Variants in PCNX4 observed in about 807,000 individuals in gnomAD.
The protein encoded by PCNX4 is pecanex-like protein 4.
PCNX4 carries 103 observed loss-of-function variants against 107.2 expected under a neutral mutation model. The observed-to-expected ratio is 0.96, with a 90% confidence interval of 0.82 to 1.13. The LOEUF is 1.13. Ranked by LOEUF, PCNX4 falls within the 50% of genes most tolerant of loss-of-function variation. PCNX4 has a pLI of 0.00. For missense variants in PCNX4, 1,528 were observed against 1,379.4 expected, an observed-to-expected ratio of 1.11 and a Z score of -1.71; for synonymous variants, 541 against 481.7, an observed-to-expected ratio of 1.12 and a Z score of -1.61.
At chr14:60,130,461 CACAGTG>C (rs1896134586) in intron 10 of PCNX4, among the ~76,000 whole-genome samples, 2 of 151,962 alleles carry the variant, frequency 1.3e-5, no homozygotes, top group African/African-American at 4.8e-5. Flanking sequence ...ATGAAAAACT[CACAGTG>C]AACATCATCA....
chr14:60,123,904 A>G (rs1201436550), intron 8 of PCNX4, among the ~76,000 whole-genome samples: 3 of 152,034 alleles, frequency 2.0e-5, no homozygotes, highest in East Asian at 3.9e-4. Context: ...AAAAGTTTTT[A>G]TTGTGTGGCT....
At chr14:60,107,243 T>C (rs1890262318) in intron 1 of PCNX4, among the ~76,000 whole-genome samples, 2 of 152,032 alleles carry the variant, frequency 1.3e-5, no homozygotes, top group Admixed American at 6.6e-5. Context: ...TAGCCAGGCA[T>C]AGGGGCATGT....
In PCNX4 at chr14:60,118,661, A is replaced by C; in HGVS notation, c.1911A>C (p.Val637=). The part of the protein sequence containing the change: ...YYQMVPRLTA[V]LQTAMAAGSL... ...AAATGGTGCCCAGGTTGACTGCTGT[A>C]CTGCAGACTGCAATGGCAGCTGGAA... The change falls in exon 7 of 11, where the codon GTA becomes GTC. Residue 637 remains valine (V), a synonymous_variant. Coordinates refer to ENST00000406854, the MANE Select transcript of PCNX4 (RefSeq NM_001330177.2). The C allele has an allele frequency of 6.3e-7, 1 of 1,595,482 alleles. No homozygotes were observed. Among genetic ancestry groups the C allele is most frequent in the Non-Finnish European group, 8.6e-7 (1 of 1,167,352 alleles).
chr14:60,101,005 G>C (rs945247375), intron 1 of PCNX4, among the ~76,000 whole-genome samples: 1 of 152,260 alleles, frequency 6.6e-6, no homozygotes, highest in South Asian at 2.1e-4. Context: ...CCTGCTCTCT[G>C]AAGTCTGCTC....
chr14:60,092,003 C>G lies in PCNX4; in HGVS notation c.-470C>G, dbSNP rs931064293. ...GCTTCTGCTAGGCCCAGTGCGAGAC[C>G]AGAGCACGAGCGACTCCCGTCGTCC... On this transcript the variant is annotated 5_prime_UTR_variant, in exon 1 of 11. Coordinates refer to ENST00000406854, the MANE Select transcript of PCNX4 (RefSeq NM_001330177.2). The G allele has an allele frequency of 1.3e-5, 2 of 152,568 alleles. No homozygotes were observed. The highest frequency in any genetic ancestry group is 1.9e-4 in the East Asian group (1 of 5,188). 9.5% of individuals were successfully genotyped at this position (152,568 alleles called of 1,614,324 possible).
intron 1 of PCNX4, among the ~76,000 whole-genome samples, chr14:60,098,124 C>T (rs1278395329): frequency 2.6e-5 from 4 of 152,178 alleles, no homozygotes; most frequent in Admixed American, 2.0e-4. Flanking sequence ...TGACCAGAAA[C>T]ATTCGAAACC....
In PCNX4 at chr14:60,124,471, T is replaced by C; in HGVS notation, c.2300T>C (p.Ile767Thr). The C allele has an allele frequency of 6.2e-7, 1 of 1,613,790 alleles. No homozygotes were observed. Among genetic ancestry groups the C allele is most frequent in the Non-Finnish European group, 8.5e-7 (1 of 1,179,764 alleles). Residue 767 changes from isoleucine to threonine, a missense_variant, in exon 9 of 11, where the codon ATA becomes ACA. Coordinates refer to ENST00000406854, the MANE Select transcript of PCNX4 (RefSeq NM_001330177.2). ...GACCTCATTAAAGTACTTGTGTGGATACTTGTTCAATACTGCTCCAAAAGG... is the reference window on the plus strand; with the variant it reads ...GACCTCATTAAAGTACTTGTGTGGACACTTGTTCAATACTGCTCCAAAAGG... ...KGDLIKVLVW[I>T]LVQYCSKRPG...
rs1397611464 is a variant in PCNX4, at chr14:60,142,968, AG to A, written c.*8748del. ...GACACAGTAAGACTCCATCTCCAAAAGAAAGAAAGAAAGAAAGAAAAAAATG... is the reference window on the plus strand; with the variant it reads ...GACACAGTAAGACTCCATCTCCAAAAAAAGAAAGAAAGAAAGAAAAAAATG... On this transcript the variant is annotated 3_prime_UTR_variant, in exon 11 of 11. Transcript: ENST00000406854. The surrounding 1 kb of genome is among the most constrained non-coding windows in gnomAD (Gnocchi z 4.7). 3.8e-4 allele frequency: 58 copies of A among 150,856 alleles called. No individual in the cohort carries two copies. The highest frequency in any genetic ancestry group is 1.3e-3 in the African/African-American group (53 of 41,474). 9.3% of individuals were successfully genotyped at this position (150,856 alleles called of 1,614,324 possible). A position where few individuals can be genotyped will look rare whatever the true frequency, so the allele number is the denominator to read the frequency against.
At chr14:60,114,492 A>G (rs1244742803) in intron 2 of PCNX4, among the ~76,000 whole-genome samples, 2 of 152,142 alleles carry the variant, frequency 1.3e-5, no homozygotes, top group Non-Finnish European at 2.9e-5. Flanking sequence ...ACACAATTGT[A>G]TAGGGGTAGT....
intron 1 of PCNX4, among the ~76,000 whole-genome samples, chr14:60,096,046 A>G (rs974857748): frequency 1.3e-5 from 2 of 152,186 alleles, no homozygotes; most frequent in Non-Finnish European, 2.9e-5. Flanking sequence ...AACACAAACT[A>G]TTATTCCTAA....
chr14:60,124,335 G>A lies in PCNX4; in HGVS notation c.2164G>A (p.Gly722Arg), dbSNP rs774697081. 6.2e-7 allele frequency: 1 copy of A among 1,612,780 alleles called. No homozygotes were observed. The highest frequency in any genetic ancestry group is 8.5e-7 in the Non-Finnish European group (1 of 1,179,256). ...AGTATGTTCCCTTAATGAACACTTT[G>A]GAAATGTCTTGACACCCTGTACTGT... ...TRVCSLNEHFGNVLTPCTVLP... is the reference protein window; with the variant it reads ...TRVCSLNEHFRNVLTPCTVLP... Residue 722 changes from glycine to arginine, a missense_variant, in exon 9 of 11, where the codon GGA becomes AGA. Transcript: ENST00000406854.
chr14:60,147,438 A>T lies in PCNX4; in HGVS notation c.*13217A>T, dbSNP rs566543269. ...TGGGTGACATGTATTAATTAGCTTG[A>T]TTGTGGTAATCATTTTACAGTGTAT... On this transcript the variant is annotated 3_prime_UTR_variant, in exon 11 of 11. Transcript: ENST00000406854. 6.6e-6 allele frequency: 1 copy of T among 152,312 alleles called. No individual in the cohort carries two copies. The highest frequency in any genetic ancestry group is 1.9e-4 in the East Asian group (1 of 5,180). The allele number at this position is 152,312 out of a possible 1,614,324, so 9.4% of individuals were successfully genotyped here. A position where few individuals can be genotyped will look rare whatever the true frequency, so the allele number is the denominator to read the frequency against.
intron 6 of PCNX4, 138 bp downstream of exon 6, chr14:60,116,198 C>G: frequency 1.2e-6 from 1 of 840,024 alleles, no homozygotes; most frequent in Non-Finnish European, 1.7e-6. Flanking sequence ...AAAAAGAAAC[C>G]TCAACTGTTA....
chr14:60,114,161 G>A (rs973347292), intron 2 of PCNX4, among the ~76,000 whole-genome samples: 1 of 152,120 alleles, frequency 6.6e-6, no homozygotes, highest in East Asian at 1.9e-4. Context: ...TCCTGGGAGC[G>A]GGACAGTACA....
In PCNX4 at chr14:60,134,131, A is replaced by G. The variant is rs150123138; in HGVS notation, c.3429A>G (p.Leu1143=). The change falls in exon 11 of 11, where the codon CTA becomes CTG. Residue 1143 remains leucine, a synonymous_variant. Coordinates refer to ENST00000406854, the MANE Select transcript of PCNX4 (RefSeq NM_001330177.2). ...GTTATAGTATACAAGCTCATCCACTACTTTTAAGAAATCTTACGGTACAAG... is the reference window on the plus strand; with the variant it reads ...GTTATAGTATACAAGCTCATCCACTGCTTTTAAGAAATCTTACGGTACAAG... ...EERYSIQAHP[L]LLRNLTVQAA... 14 of 1,613,880 alleles carry G rather than the reference A, an allele frequency of 8.7e-6. No homozygotes were observed. The African/African-American group carries it at 1.9e-4, about 22-fold the overall frequency.
At position 60,115,006 on chromosome 14, in the gene PCNX4, C is replaced by G; in HGVS notation, c.902C>G (p.Thr301Arg). The change falls in exon 4 of 11, where the codon ACA becomes AGA. Residue 301 changes from threonine (T) to arginine (R), a missense_variant. Physicochemically the swap from Thr to Arg is moderately conservative, Grantham distance 71. Transcript: ENST00000406854. ...LLVMFIMSAGTAIASYFIPST... is the reference protein window; with the variant it reads ...LLVMFIMSAGRAIASYFIPST... Reference sequence around the variant, plus strand: ...GTAATGTTCATCATGTCTGCTGGAACAGCTATAGCATCATATTTCATTCCA... The same window carrying G: ...GTAATGTTCATCATGTCTGCTGGAAGAGCTATAGCATCATATTTCATTCCA... The G allele has an allele frequency of 6.2e-7, 1 of 1,606,394 alleles. No homozygotes were observed. Among genetic ancestry groups the G allele is most frequent in the Non-Finnish European group, 8.5e-7 (1 of 1,174,970 alleles).
chr14:60,136,438 T>C lies in PCNX4; in HGVS notation c.*2217T>C, dbSNP rs943811549. 1 of 152,172 alleles carries C rather than the reference T, an allele frequency of 6.6e-6. No homozygotes were observed. The highest frequency in any genetic ancestry group is 2.4e-5 in the African/African-American group (1 of 41,444). 9.4% of individuals were successfully genotyped at this position (152,172 alleles called of 1,614,324 possible). ...AATAAATTGATGATGATCAAATATA[T>C]GTACCTAACCCAACCTCTCTTCTTA... On this transcript the variant is annotated 3_prime_UTR_variant, in exon 11 of 11. Transcript: ENST00000406854.
intron 2 of PCNX4, among the ~76,000 whole-genome samples, chr14:60,112,987 TC>T (rs1002071929): frequency 3.7e-4 from 57 of 152,232 alleles, no homozygotes; most frequent in African/African-American, 1.4e-3. Flanking sequence ...ATCGAGACCA[TC>T]CTGGCCAACA....
At chr14:60,096,522 G>A (rs1378327261) in intron 1 of PCNX4, among the ~76,000 whole-genome samples, 1 of 152,182 alleles carries the variant, frequency 6.6e-6, no homozygotes, top group African/African-American at 2.4e-5. Flanking sequence ...TGAATTACTC[G>A]TCCTTGTGCC....
Sources: allele counts gnomAD v4.1 joint callset (sites outside exome capture counted in the v4.1 genomes callset), GRCh38; gene constraint gnomAD v4.1.1; non-coding constraint Gnocchi (gnomAD v3.1); transcripts MANE v1.5; gene names NCBI Gene and HGNC (gene_info 2026-07-23, HGNC 2026-07-21).